Variants in AR observed in about 807,000 individuals in gnomAD.
AR encodes the protein dihydrotestosterone receptor.
A neutral mutation model predicts 53.9 loss-of-function variants in AR; 8 were observed. The observed-to-expected ratio is 0.15, with a 90% CI of 0.09 to 0.27. The LOEUF (loss-of-function observed/expected upper bound fraction) is 0.27. Ranked by LOEUF, AR falls within the 10% of genes least tolerant of loss-of-function variation. The probability of loss-of-function intolerance (pLI) is 1.00; values close to 1 mark genes in which losing one functional copy is unlikely to be tolerated. For missense variants in AR, 639 were observed against 742.5 expected, an observed-to-expected ratio of 0.86 and a Z score of 1.62; for synonymous variants, 359 against 316.4, an observed-to-expected ratio of 1.13 and a Z score of -1.43.
In AR at chrX:67,724,221, A is replaced by T. The variant is rs2076149076; in HGVS notation, c.*380A>T. The T allele has an allele frequency of 5.3e-6, 1 of 189,058 alleles. No individual in the cohort carries two copies. Among genetic ancestry groups the T allele is most frequent in the Non-Finnish European group, 9.9e-6 (1 of 101,282 alleles). 15.6% of individuals were successfully genotyped at this position (189,058 alleles called of 1,213,427 possible). ...CACAAACGTTTACTTATCTTATGCC[A>T]CGGGAAGTTTAGAGAGCTAAGATTA... On this transcript the variant is annotated 3_prime_UTR_variant, in exon 8 of 8. Transcript: ENST00000374690.
intron 3 of AR, among the ~76,000 whole-genome samples, chrX:67,700,590 T>A: frequency 8.9e-6 from 1 of 111,751 alleles, no homozygotes; most frequent in South Asian, 3.8e-4. Context: ...GCCACTGTGG[T>A]CACAGGGACA....
At chrX:67,601,587 A>G (rs1377052211) in intron 1 of AR, among the ~76,000 whole-genome samples, 1 of 112,006 alleles carries the variant, frequency 8.9e-6, no homozygotes, top group African/African-American at 3.2e-5. Flanking sequence ...TGAGCCCATA[A>G]TGTATGATAG....
intron 1 of AR, among the ~76,000 whole-genome samples, chrX:67,560,011 T>C (rs145463847): frequency 0.012 from 1,341 of 111,970 alleles, 10 homozygotes; most frequent in Non-Finnish European, 0.02. Context: ...TCACCAACTA[T>C]CTAATAATAG....
chrX:67,656,684 G>C (rs1310186936), intron 2 of AR, among the ~76,000 whole-genome samples: 1 of 111,319 alleles, frequency 9.0e-6, no homozygotes, highest in Non-Finnish European at 1.9e-5. Context: ...AAGAGAACAG[G>C]AATACACCTA....
chrX:67,690,809 T>A (rs1018006387), intron 3 of AR, among the ~76,000 whole-genome samples: 2 of 111,315 alleles, frequency 1.8e-5, no homozygotes, highest in Non-Finnish European at 3.8e-5. Context: ...AGAAGTTAGG[T>A]GAGATGGAAG....
intron 1 of AR, among the ~76,000 whole-genome samples, chrX:67,619,667 T>C (rs183623904): frequency 6.5e-4 from 73 of 111,549 alleles, no homozygotes; most frequent in African/African-American, 2.4e-3. Context: ...AAATAATGCA[T>C]ACCTCATGCA....
chrX:67,690,137 A>G (rs976013933), intron 3 of AR, among the ~76,000 whole-genome samples: 1 of 112,203 alleles, frequency 8.9e-6, no homozygotes. Flanking sequence ...CCAGAAGAAG[A>G]GAAGGAACAC....
chrX:67,610,547 G>A (rs1266349902), intron 1 of AR, among the ~76,000 whole-genome samples: 1 of 110,821 alleles, frequency 9.0e-6, no homozygotes, highest in Non-Finnish European at 1.9e-5. Context: ...GATTTTCTAT[G>A]TATATATATT....
intron 1 of AR, among the ~76,000 whole-genome samples, chrX:67,599,957 G>C (rs897325430): frequency 9.0e-6 from 1 of 111,490 alleles, no homozygotes; most frequent in African/African-American, 3.3e-5. Flanking sequence ...GTTGGTATAT[G>C]CAAATGTGCA....
At chrX:67,624,214 G>A (rs1037480459) in intron 1 of AR, among the ~76,000 whole-genome samples, 2 of 111,586 alleles carry the variant, frequency 1.8e-5, no homozygotes, top group African/African-American at 6.5e-5. Flanking sequence ...GATTTGGATG[G>A]TGTGACACAG....
At chrX:67,646,464 G>T (rs980152466) in intron 2 of AR, among the ~76,000 whole-genome samples, 3 of 111,168 alleles carry the variant, frequency 2.7e-5, no homozygotes, top group African/African-American at 9.8e-5. Flanking sequence ...TGTATGGGGA[G>T]AGAAAGTTGG....
At chrX:67,671,456 T>C (rs2075864772) in intron 2 of AR, among the ~76,000 whole-genome samples, 1 of 112,651 alleles carries the variant, frequency 8.9e-6, no homozygotes. Context: ...TTTGTTTTCT[T>C]CTTGTAAATT....
chrX:67,708,269 T>G (rs963577107), intron 3 of AR, among the ~76,000 whole-genome samples: 11 of 111,994 alleles, frequency 9.8e-5, no homozygotes, highest in African/African-American at 3.6e-4. Context: ...CCTGTCACTT[T>G]CAGGTACACC....
At chrX:67,643,181 G>A (rs978264820) in intron 1 of AR, 75 bp from the exon 2 acceptor site, 2 of 1,132,764 alleles carry the variant, frequency 1.8e-6, no homozygotes, top group Admixed American at 4.4e-5. Context: ...GGTTAATGCT[G>A]AAGACCTGAG....
In AR at chrX:67,644,508, A is replaced by G. The variant is rs971679644; in HGVS notation, c.1768+1101A>G. Among the ~76,000 whole-genome samples the G allele has an allele frequency of 1.3e-4, 14 of 111,901 alleles. No individual in the cohort carries two copies. In the Admixed American group the frequency reaches 1.3e-3, roughly 11 times the overall value. ...AACCTTGAGAACAGTCTTAAAACAT[A>G]GGTATGTAGGCCACACCATTCACCA... On this transcript the variant is annotated intron_variant, in intron 2 of 7. Coordinates refer to ENST00000374690, the MANE Select transcript of AR (RefSeq NM_000044.6).
At chrX:67,587,063 T>C (rs1172258058) in intron 1 of AR, among the ~76,000 whole-genome samples, 1 of 112,114 alleles carries the variant, frequency 8.9e-6, no homozygotes, top group African/African-American at 3.2e-5. Context: ...ATATGCATTC[T>C]CATTTCCCAG....
chrX:67,647,796 A>C (rs970908077), intron 2 of AR, among the ~76,000 whole-genome samples: 1 of 111,782 alleles, frequency 8.9e-6, no homozygotes, highest in Non-Finnish European at 1.9e-5. Context: ...CAACTACTCA[A>C]CTCTGCCTTT....
chrX:67,601,588 T>A (rs908022242), intron 1 of AR, among the ~76,000 whole-genome samples: 1 of 112,124 alleles, frequency 8.9e-6, no homozygotes, highest in African/African-American at 3.2e-5. Context: ...GAGCCCATAA[T>A]GTATGATAGG....
intron 1 of AR, among the ~76,000 whole-genome samples, chrX:67,635,033 C>G (rs1434808478): frequency 9.2e-6 from 1 of 108,618 alleles, no homozygotes; most frequent in Non-Finnish European, 1.9e-5. Flanking sequence ...TCCCCAACCC[C>G]TATGCCCTAC....
Sources: gnomAD v4.1 joint callset for allele counts (sites outside exome capture counted in the v4.1 genomes callset) on GRCh38, gnomAD v4.1.1 for gene constraint, MANE v1.5 for transcripts, NCBI Gene and HGNC (gene_info 2026-07-23, HGNC 2026-07-21) for gene names.